The following TGFBR3 variants were observed in gnomAD, a reference collection of about 807,000 sequenced individuals.
TGFBR3 encodes the protein transforming growth factor beta receptor 3.
Under a neutral mutation model 87.9 loss-of-function variants are expected in TGFBR3, and 46 were observed. The observed-to-expected ratio is 0.52, with a 90% CI of 0.41 to 0.67. The LOEUF is 0.67. Among genes scored for constraint, TGFBR3 ranks in the 30% least tolerant of loss-of-function variants. The pLI, the probability that TGFBR3 is intolerant of heterozygous loss-of-function variation, is 0.00. For missense variants in TGFBR3, 866 were observed against 1,041.9 expected, an observed-to-expected ratio of 0.83 and a Z score of 2.32; for synonymous variants, 381 against 391.6, an observed-to-expected ratio of 0.97 and a Z score of 0.32.
chr1:91,794,327 C>T (rs1285175814), intron 3 of TGFBR3, among the ~76,000 whole-genome samples: 1 of 152,018 alleles, frequency 6.6e-6, no homozygotes, highest in African/African-American at 2.4e-5. Flanking sequence ...CCTCAGCCTC[C>T]CAAGTAGCTA....
At chr1:91,748,000 T>C (rs1317648744) in intron 4 of TGFBR3, among the ~76,000 whole-genome samples, 2 of 152,218 alleles carry the variant, frequency 1.3e-5, no homozygotes, top group African/African-American at 2.4e-5. Flanking sequence ...TGCTGACTGA[T>C]AGCTCCTGGG....
At chr1:91,806,187 C>T (rs1381821676) in intron 2 of TGFBR3, among the ~76,000 whole-genome samples, 3 of 152,314 alleles carry the variant, frequency 2.0e-5, no homozygotes, top group East Asian at 1.9e-4. Flanking sequence ...ACATGGGAAA[C>T]GTTCCTAAGA....
chr1:91,838,267 G>A (rs567982144), intron 2 of TGFBR3, among the ~76,000 whole-genome samples: 13 of 152,242 alleles, frequency 8.5e-5, no homozygotes, highest in Admixed American at 3.3e-4. Context: ...AAGAGATTTT[G>A]TTAATATAAG....
chr1:91,727,520 T>A, intron 7 of TGFBR3, 139 bp downstream of exon 7: 1 of 1,086,900 alleles, frequency 9.2e-7, no homozygotes, highest in Non-Finnish European at 1.3e-6. Context: ...AGGAGCATGC[T>A]ATTTTGCAAA....
chr1:91,788,658 G>A (rs1447717931), intron 3 of TGFBR3, among the ~76,000 whole-genome samples: 1 of 152,240 alleles, frequency 6.6e-6, no homozygotes, highest in Non-Finnish European at 1.5e-5. Context: ...CAATGGCAAG[G>A]AGAAGGCTCA....
chr1:91,873,041 G>C (rs1678643299), intron 1 of TGFBR3, among the ~76,000 whole-genome samples: 1 of 151,950 alleles, frequency 6.6e-6, no homozygotes, highest in Non-Finnish European at 1.5e-5. Context: ...ATAGCTCACT[G>C]CAGCCTCGAA....
intron 16 of TGFBR3, among the ~76,000 whole-genome samples, chr1:91,685,337 T>C (rs78227899): frequency 1.6e-4 from 23 of 147,724 alleles, no homozygotes; most frequent in African/African-American, 4.3e-4. Context: ...TTTTTTTTTT[T>C]TGTGAGACGG....
At chr1:91,721,841 T>C (rs1672376907) in intron 8 of TGFBR3, 114 bp downstream of exon 8, 1 of 983,038 alleles carries the variant, frequency 1.0e-6, no homozygotes. Context: ...GTAGTCAAAT[T>C]ATTAAAATGT....
intron 3 of TGFBR3, among the ~76,000 whole-genome samples, chr1:91,760,484 C>T (rs116149671): frequency 0.016 from 2,415 of 152,106 alleles, 31 homozygotes; most frequent in South Asian, 0.046. Context: ...GCCAAAAGGC[C>T]GGGAAGTAAA....
intron 7 of TGFBR3, among the ~76,000 whole-genome samples, 163 bp downstream of exon 7, chr1:91,727,496 C>T (rs759593456): frequency 1.3e-5 from 2 of 152,078 alleles, no homozygotes; most frequent in African/African-American, 2.4e-5. Flanking sequence ...TTTGAACAAC[C>T]GCACCTATTT....
intron 3 of TGFBR3, chr1:91,786,045 T>A: frequency 2.7e-6 from 1 of 367,554 alleles, no homozygotes. Flanking sequence ...ATTACAGGCG[T>A]GAGCCACCAC....
intron 1 of TGFBR3, among the ~76,000 whole-genome samples, chr1:91,903,359 A>G (rs1679773971): frequency 6.7e-6 from 1 of 150,034 alleles, no homozygotes; most frequent in African/African-American, 2.5e-5. Flanking sequence ...AAAAAAAAAA[A>G]AAAAAAATTG....
chr1:91,755,745 G>A lies in TGFBR3; in HGVS notation c.384+2868C>T, dbSNP rs186280927. On this transcript the variant is annotated intron_variant, in intron 4 of 16. Transcript: ENST00000212355. ...AATAACTAAGAGTAAGACACTTTCC[G>A]TCAAAACCCATGAACTGGCAGACTG... is the stretch of plus-strand genomic sequence containing the variant. 5.3e-3 allele frequency among the ~76,000 whole-genome samples: 809 copies of A among 152,158 alleles called. 5 individuals carry two copies. Among genetic ancestry groups the A allele is most frequent in the Non-Finnish European group, 8.4e-3 (572 of 68,004 alleles).
intron 4 of TGFBR3, among the ~76,000 whole-genome samples, chr1:91,745,811 T>C (rs941401401): frequency 6.6e-6 from 1 of 152,224 alleles, no homozygotes; most frequent in Non-Finnish European, 1.5e-5. Flanking sequence ...ATAACTTCCA[T>C]GCCTGTGAAC....
Position 91,811,089 on chromosome 1 carries a change from T to C in TGFBR3, c.62-13618A>G, listed in dbSNP as rs527905886. Among the ~76,000 whole-genome samples the C allele has an allele frequency of 9.2e-5, 14 of 152,206 alleles. No homozygotes were observed. The East Asian group carries it at 2.1e-3, about 23-fold the overall frequency. On this transcript the variant is annotated intron_variant, in intron 2 of 16. Coordinates refer to ENST00000212355, the MANE Select transcript of TGFBR3 (RefSeq NM_003243.5). ...ACTTTGGGAGGCCAGGGTGGGAGGA[T>C]TGTTTGAGCCCATAAGTTTGAGACC...
intron 3 of TGFBR3, among the ~76,000 whole-genome samples, chr1:91,784,638 T>G (rs991503913): frequency 6.6e-6 from 1 of 152,170 alleles, no homozygotes; most frequent in African/African-American, 2.4e-5. Flanking sequence ...GACCTAAGCA[T>G]GGGCTTCCAA....
intron 2 of TGFBR3, among the ~76,000 whole-genome samples, chr1:91,836,021 G>A (rs1053202664): frequency 3.4e-4 from 51 of 151,992 alleles, no homozygotes; most frequent in Non-Finnish European, 6.8e-4. Context: ...GCCAAGGTGG[G>A]CGGATCACCT....
intron 1 of TGFBR3, among the ~76,000 whole-genome samples, chr1:91,876,393 C>T (rs1329689810): frequency 6.6e-6 from 1 of 152,072 alleles, no homozygotes; most frequent in Non-Finnish European, 1.5e-5. Flanking sequence ...GTAGGCATCC[C>T]GAAAGGCTAG....
chr1:91,754,516 C>G (rs1174454143), intron 4 of TGFBR3, among the ~76,000 whole-genome samples: 8 of 152,172 alleles, frequency 5.3e-5, no homozygotes, highest in Admixed American at 3.3e-4. Context: ...AAGCATCACT[C>G]TTCATCCCAC....
Sources: gnomAD v4.1 joint callset for allele counts (sites outside exome capture counted in the v4.1 genomes callset) on GRCh38, gnomAD v4.1.1 for gene constraint, MANE v1.5 for transcripts, NCBI Gene and HGNC (gene_info 2026-07-23, HGNC 2026-07-21) for gene names.